The following SGCD variants were observed in gnomAD, a reference collection of about 807,000 sequenced individuals.
The protein encoded by SGCD is delta-sarcoglycan.
SGCD carries 18 observed loss-of-function variants against 36.6 expected under a neutral mutation model. The observed-to-expected ratio is 0.49, with a 90% CI of 0.34 to 0.73. SGCD has a LOEUF of 0.73. Ranked by LOEUF, SGCD falls within the 30% of genes least tolerant of loss-of-function variation. The pLI, the probability that SGCD is intolerant of heterozygous loss-of-function variation, is 0.01. For synonymous variants in SGCD, 133 were observed against 130.6 expected (o/e 1.02, Z -0.12); for missense variants, 387 against 346.7 (o/e 1.12, Z -0.92).
chr5:156,459,082 G>GA (rs923572340), intron 3 of SGCD, among the ~76,000 whole-genome samples: 2 of 151,738 alleles, frequency 1.3e-5, no homozygotes, highest in Non-Finnish European at 2.9e-5. Flanking sequence ...AAAGTGAAGG[G>GA]AAAAAAAATC....
intron 3 of SGCD, among the ~76,000 whole-genome samples, chr5:156,200,436 T>C (rs1449803604): frequency 1.3e-5 from 2 of 152,120 alleles, no homozygotes; most frequent in African/African-American, 4.8e-5. Flanking sequence ...CTTCGATAGA[T>C]GATGCTGGGA....
intron 3 of SGCD, among the ~76,000 whole-genome samples, chr5:156,397,089 C>T (rs1275142808): frequency 1.3e-5 from 2 of 152,154 alleles, no homozygotes; most frequent in Non-Finnish European, 2.9e-5. Context: ...TGATCAGGTT[C>T]TCATCCCTGC....
At chr5:155,920,734 C>A (rs1372053473) in intron 1 of SGCD, among the ~76,000 whole-genome samples, 1 of 152,112 alleles carries the variant, frequency 6.6e-6, no homozygotes, top group African/African-American at 2.4e-5. Flanking sequence ...GGGCGGCATA[C>A]TCTTGGATGG....
At chr5:155,761,568 AAC>A in the SGCD span, among the ~76,000 whole-genome samples, 2 of 118,192 alleles carry the variant, frequency 1.7e-5, no homozygotes, top group Non-Finnish European at 3.5e-5. Context: ...CCTCTCCATC[AAC>A]TTCTCCGTCA....
At chr5:156,119,379 CA>C (rs1761979673) in intron 2 of SGCD, among the ~76,000 whole-genome samples, 1 of 152,056 alleles carries the variant, frequency 6.6e-6, no homozygotes, top group East Asian at 1.9e-4. Context: ...TATGTGATTT[CA>C]ATCAGATTAC....
intron 3 of SGCD, among the ~76,000 whole-genome samples, chr5:156,392,474 A>G (rs1159691508): frequency 6.6e-6 from 1 of 151,948 alleles, no homozygotes; most frequent in East Asian, 1.9e-4. Flanking sequence ...TAGGGCTCTG[A>G]CTCCATGGCA....
chr5:155,933,456 A>G (rs1018633517), intron 1 of SGCD, among the ~76,000 whole-genome samples: 1 of 152,240 alleles, frequency 6.6e-6, no homozygotes. Context: ...ACAAGCATAC[A>G]TAGAGTATCT....
At chr5:156,051,859 G>GA in intron 1 of SGCD, among the ~76,000 whole-genome samples, 1 of 145,608 alleles carries the variant, frequency 6.9e-6, no homozygotes, top group Non-Finnish European at 1.5e-5. Flanking sequence ...TGTGCTGGGG[G>GA]AAAGAGGTGG....
chr5:156,420,062 G>T (rs1399829038), intron 3 of SGCD, among the ~76,000 whole-genome samples: 1 of 152,064 alleles, frequency 6.6e-6, no homozygotes, highest in Non-Finnish European at 1.5e-5. Flanking sequence ...TGGTCTTGGG[G>T]TATCTTACTT....
chr5:155,970,041 C>T (rs750716575), intron 1 of SGCD, among the ~76,000 whole-genome samples: 4 of 151,942 alleles, frequency 2.6e-5, no homozygotes, highest in African/African-American at 4.8e-5. Context: ...CACAACCTAA[C>T]GATAAGTTAG....
At chr5:156,603,352 T>C (rs978749035) in intron 6 of SGCD, among the ~76,000 whole-genome samples, 1 of 152,084 alleles carries the variant, frequency 6.6e-6, no homozygotes, top group African/African-American at 2.4e-5. Context: ...TAAATATTTG[T>C]CAATTTTGTT....
rs10062502 is a variant in SGCD at position 156,051,520 on chromosome 5, A to C, written c.-281-66358A>C. Among the ~76,000 whole-genome samples the C allele has an allele frequency of 2.5e-3, 373 of 146,500 alleles. 23 individuals are homozygous for C. The highest frequency in any genetic ancestry group is 8.9e-3 in the African/African-American group (365 of 40,796). ...TTTGAATGCTTCCAAATCTTTATGC[A>C]AGATAGTACAACAAATACTATAATA... On this transcript the variant is annotated intron_variant, in intron 1 of 9. Coordinates refer to the SGCD transcript ENST00000517913.
the SGCD span, among the ~76,000 whole-genome samples, chr5:155,843,433 C>T: frequency 1.2e-3 from 189 of 152,256 alleles, 1 homozygote; most frequent in Non-Finnish European, 1.9e-3. Flanking sequence ...CTGATACTCA[C>T]GCTGAGGTAA....
chr5:156,130,326 A>G (rs1762286531), intron 3 of SGCD, among the ~76,000 whole-genome samples: 1 of 152,038 alleles, frequency 6.6e-6, no homozygotes, highest in South Asian at 2.1e-4. Flanking sequence ...CTACTTTTTA[A>G]TGGGGTTGCT....
At chr5:156,170,347 G>A (rs1395868851) in intron 3 of SGCD, among the ~76,000 whole-genome samples, 1 of 152,158 alleles carries the variant, frequency 6.6e-6, no homozygotes, top group Non-Finnish European at 1.5e-5. Flanking sequence ...ATAAGGAGTA[G>A]AATTATTATT....
intron 1 of SGCD, among the ~76,000 whole-genome samples, chr5:156,078,156 C>T (rs950813459): frequency 7.9e-5 from 12 of 151,924 alleles, no homozygotes; most frequent in African/African-American, 2.9e-4. Context: ...TGCTGTACTA[C>T]AGTTTGCTTA....
intron 1 of SGCD, among the ~76,000 whole-genome samples, chr5:156,071,274 A>G (rs1383247278): frequency 6.6e-6 from 1 of 152,196 alleles, no homozygotes; most frequent in African/African-American, 2.4e-5. Context: ...ATTTAGTGTT[A>G]TAAATTTCCC....
chr5:156,339,125 A>G (rs1297951771), intron 2 of SGCD, among the ~76,000 whole-genome samples: 1 of 152,130 alleles, frequency 6.6e-6, no homozygotes, highest in South Asian at 2.1e-4. Context: ...CCACTATTTA[A>G]TTAATTAATG....
chr5:155,865,133 T>TA, the SGCD span, among the ~76,000 whole-genome samples: 1 of 151,984 alleles, frequency 6.6e-6, no homozygotes, highest in South Asian at 2.1e-4. Flanking sequence ...GATAGATAGA[T>TA]ATTTACTGTT....
Sources: allele counts gnomAD v4.1 joint callset (sites outside exome capture counted in the v4.1 genomes callset), GRCh38; gene constraint gnomAD v4.1.1; transcripts MANE v1.5; gene names NCBI Gene and HGNC (gene_info 2026-07-23, HGNC 2026-07-21).